Variants in SNX29 observed in about 807,000 individuals in gnomAD.
SNX29 encodes sorting nexin-29.
Under a neutral mutation model 102.1 loss-of-function variants are expected in SNX29, and 78 were observed. The observed-to-expected ratio is 0.76, with a 90% CI of 0.64 to 0.92. The LOEUF (loss-of-function observed/expected upper bound fraction) is 0.92. Among genes scored for constraint, SNX29 ranks in the 40% least tolerant of loss-of-function variants. The pLI, the probability that SNX29 is intolerant of heterozygous loss-of-function variation, is 0.00. For missense variants in SNX29, 1,280 were observed against 1,061.7 expected (o/e 1.21, Z -2.86); for synonymous variants, 580 against 414.5 (o/e 1.40, Z -4.85).
chr16:12,277,809 TG>T, intron 14 of SNX29, 123 bp from the exon 15 acceptor site: 5 of 711,556 alleles, frequency 7.0e-6, no homozygotes, highest in Admixed American at 2.4e-5. Context: ...TGTGTGTGTG[TG>T]TTTTTCTTGA....
At chr16:12,501,125 A>G (rs1205604576) in intron 19 of SNX29, among the ~76,000 whole-genome samples, 21 of 152,116 alleles carry the variant, frequency 1.4e-4, no homozygotes, top group Admixed American at 1.3e-3. Flanking sequence ...TTATTCAAGA[A>G]TTGTGTTCAA....
chr16:12,552,734 C>G lies in SNX29; in HGVS notation c.2319-15772C>G, dbSNP rs115369605. Among the ~76,000 whole-genome samples, 582 of 152,332 alleles carry G rather than the reference C, an allele frequency of 3.8e-3. 2 individuals carry two copies. The highest frequency in any genetic ancestry group is 0.012 in the African/African-American group (513 of 41,564). On this transcript the variant is annotated intron_variant, in intron 20 of 20. Transcript: ENST00000566228. Reference sequence around the variant, plus strand: ...GGGACTGATAGAAGAGACATGGTATCTCCAGTGAAATCACTTCTGATTTAA... The same window carrying G: ...GGGACTGATAGAAGAGACATGGTATGTCCAGTGAAATCACTTCTGATTTAA...
At chr16:12,485,299 G>A (rs1008767453) in intron 19 of SNX29, among the ~76,000 whole-genome samples, 1 of 152,162 alleles carries the variant, frequency 6.6e-6, no homozygotes, top group African/African-American at 2.4e-5. Flanking sequence ...TAAAGGACTC[G>A]TTTTTGATGA....
intron 13 of SNX29, among the ~76,000 whole-genome samples, chr16:12,136,627 C>G (rs1390670956): frequency 6.6e-6 from 1 of 152,242 alleles, no homozygotes; most frequent in Non-Finnish European, 1.5e-5. Context: ...TAGGAAGGCC[C>G]TCTGCATAGA....
intron 15 of SNX29, among the ~76,000 whole-genome samples, chr16:12,313,698 CA>C (rs567036124): frequency 9.8e-5 from 15 of 152,356 alleles, no homozygotes; most frequent in African/African-American, 3.1e-4. Flanking sequence ...CAGTTCTGCT[CA>C]TTGTTGCATC....
At chr16:12,266,493 C>G (rs2078932637) in intron 14 of SNX29, among the ~76,000 whole-genome samples, 1 of 152,062 alleles carries the variant, frequency 6.6e-6, no homozygotes, top group South Asian at 2.1e-4. Context: ...CAGTAGCTTA[C>G]AGAACAACAC....
At position 12,571,419 on chromosome 16, in the gene SNX29, TTC is replaced by T. The variant is rs2079184987; in HGVS notation, c.*2792_*2793del. 8.6e-6 allele frequency: 2 copies of T among 233,486 alleles called. No individual in the cohort carries two copies. Among genetic ancestry groups the T allele is most frequent in the African/African-American group, 2.2e-5 (1 of 45,224 alleles). 14.5% of individuals were successfully genotyped at this position (233,486 alleles called of 1,614,324 possible). A position where few individuals can be genotyped will look rare whatever the true frequency, so the allele number is the denominator to read the frequency against. On this transcript the variant is annotated 3_prime_UTR_variant, in exon 21 of 21. Coordinates refer to ENST00000566228, the MANE Select transcript of SNX29 (RefSeq NM_032167.5). Reference sequence around the variant, plus strand: ...TTGCTTGCACCTCACATCTGTCTTCTTCTAAGATTACTCGGAGATTTTCAAAC... The same window carrying T: ...TTGCTTGCACCTCACATCTGTCTTCTTAAGATTACTCGGAGATTTTCAAAC...
chr16:12,531,029 A>G (rs1045626353), intron 20 of SNX29, among the ~76,000 whole-genome samples: 2 of 152,250 alleles, frequency 1.3e-5, no homozygotes, highest in Non-Finnish European at 2.9e-5. Flanking sequence ...ACATTTTGGC[A>G]GGTAGAGCTA....
intron 18 of SNX29, among the ~76,000 whole-genome samples, chr16:12,405,071 T>C (rs977563133): frequency 1.2e-4 from 19 of 152,222 alleles, no homozygotes; most frequent in African/African-American, 2.4e-5. Flanking sequence ...TTCTCTTTGT[T>C]TCTCCTTTTG....
chr16:11,990,241 C>G (rs1445336112), intron 1 of SNX29, among the ~76,000 whole-genome samples: 1 of 152,118 alleles, frequency 6.6e-6, no homozygotes, highest in Admixed American at 6.5e-5. Context: ...TAATTAGGTG[C>G]CAACTAACTG....
chr16:12,405,898 G>A (rs934501493), intron 18 of SNX29, among the ~76,000 whole-genome samples: 1 of 152,116 alleles, frequency 6.6e-6, no homozygotes, highest in Non-Finnish European at 1.5e-5. Flanking sequence ...CAGGCGTGGT[G>A]GTGGGCGCCT....
intron 15 of SNX29, among the ~76,000 whole-genome samples, chr16:12,321,332 G>A (rs1209108811): frequency 6.6e-6 from 1 of 152,136 alleles, no homozygotes; most frequent in Non-Finnish European, 1.5e-5. Context: ...TGTCCTGGAG[G>A]AATGACTTCC....
At chr16:12,554,184 G>C (rs781595352) in intron 20 of SNX29, among the ~76,000 whole-genome samples, 12 of 152,170 alleles carry the variant, frequency 7.9e-5, no homozygotes, top group African/African-American at 1.4e-4. Flanking sequence ...AATAAGTTCT[G>C]GCTTAAACCA....
In SNX29 at chr16:12,574,244, C is replaced by A. The variant is rs1279647866; in HGVS notation, c.*5615C>A. On this transcript the variant is annotated 3_prime_UTR_variant, in exon 21 of 21. Transcript: ENST00000566228. ...AACCTGGTTGAGATCAACCTCTTTA[C>A]AATGACACAAATTGTGACATTTTAT... 1 of 176,384 alleles carries A rather than the reference C, an allele frequency of 5.7e-6. No homozygotes were observed. The highest frequency in any genetic ancestry group is 1.2e-5 in the Non-Finnish European group (1 of 81,912). The allele number at this position is 176,384 out of a possible 1,614,324, so 10.9% of individuals were successfully genotyped here.
chr16:12,520,103 C>G (rs996720448), intron 19 of SNX29, among the ~76,000 whole-genome samples: 1 of 152,236 alleles, frequency 6.6e-6, no homozygotes. Flanking sequence ...CCACACCTCT[C>G]AGGTCACATT....
At chr16:12,136,856 C>T (rs1472534121) in intron 13 of SNX29, among the ~76,000 whole-genome samples, 1 of 152,202 alleles carries the variant, frequency 6.6e-6, no homozygotes, top group Non-Finnish European at 1.5e-5. Context: ...TCTCCTGCTT[C>T]AGTCTCCTGA....
chr16:12,278,376 G>A (rs1170924504), intron 15 of SNX29, among the ~76,000 whole-genome samples: 1 of 152,092 alleles, frequency 6.6e-6, no homozygotes, highest in Admixed American at 6.5e-5. Context: ...GTGAAAATAT[G>A]GATGAGGTGA....
In SNX29 at chr16:12,570,224, C is replaced by G. The variant is rs1459639382; in HGVS notation, c.*1595C>G. 9.4e-7 allele frequency: 1 copy of G among 1,064,992 alleles called. No homozygotes were observed. The highest frequency in any genetic ancestry group is 1.1e-6 in the Non-Finnish European group (1 of 879,166). The allele number at this position is 1,064,992 out of a possible 1,614,324, so 66.0% of individuals were successfully genotyped here. ...CCAAGGGGACCTGGGGCCAGATAAG[C>G]CCTGCCCCGGTGAGACCAAATGAGC... On this transcript the variant is annotated 3_prime_UTR_variant, in exon 21 of 21. Coordinates refer to ENST00000566228, the MANE Select transcript of SNX29 (RefSeq NM_032167.5).
intron 19 of SNX29, among the ~76,000 whole-genome samples, chr16:12,522,067 C>T (rs901569184): frequency 2.6e-5 from 4 of 152,164 alleles, no homozygotes; most frequent in Non-Finnish European, 5.9e-5. Context: ...CGAGGGGCCC[C>T]TGCTGGCACA....
Sources: allele counts gnomAD v4.1 joint callset (sites outside exome capture counted in the v4.1 genomes callset), GRCh38; gene constraint gnomAD v4.1.1; transcripts MANE v1.5; gene names NCBI Gene and HGNC (gene_info 2026-07-23, HGNC 2026-07-21).